The following SMURF2 variants were observed in gnomAD, a reference collection of about 807,000 sequenced individuals.
SMURF2 encodes the protein E3 ubiquitin-protein ligase SMURF2.
SMURF2 carries 48 observed loss-of-function variants against 109.6 expected under a neutral mutation model. The observed-to-expected ratio is 0.44, with a 90% CI of 0.35 to 0.56. The LOEUF (loss-of-function observed/expected upper bound fraction) is 0.56. Among genes scored for constraint, SMURF2 ranks in the 20% least tolerant of loss-of-function variants. SMURF2 has a pLI of 0.01. For missense variants in SMURF2, 575 were observed against 909.0 expected (o/e 0.63, Z 4.72); for synonymous variants, 288 against 317.1 (o/e 0.91, Z 0.97).
At chr17:64,643,550 T>A (rs1261932055) in intron 1 of SMURF2, among the ~76,000 whole-genome samples, 1 of 152,028 alleles carries the variant, frequency 6.6e-6, no homozygotes, top group African/African-American at 2.4e-5. Flanking sequence ...ACAACCAGGG[T>A]CTCTCTGGAC....
chr17:64,637,803 A>G (rs1970436911), intron 1 of SMURF2, among the ~76,000 whole-genome samples: 1 of 151,608 alleles, frequency 6.6e-6, no homozygotes, highest in African/African-American at 2.4e-5. Flanking sequence ...ACTTCAAATG[A>G]TCCACCCACC....
chr17:64,618,250 T>C (rs79723516), intron 1 of SMURF2, among the ~76,000 whole-genome samples: 2,359 of 152,204 alleles, frequency 0.015, 31 homozygotes, highest in Non-Finnish European at 0.025. Flanking sequence ...CTGGGCAATA[T>C]AGTGAGACTC....
chr17:64,592,698 A>C (rs1422213522), intron 4 of SMURF2, among the ~76,000 whole-genome samples: 9 of 152,198 alleles, frequency 5.9e-5, no homozygotes, highest in Non-Finnish European at 8.8e-5. Context: ...CAAACACACA[A>C]AAAAAACCTG....
chr17:64,662,150 C>CCCCGCCG lies in SMURF2; in HGVS notation c.-277_-271dup. 9.7e-7 allele frequency: 1 copy of CCCCGCCG among 1,035,074 alleles called. No homozygotes were observed. The highest frequency in any genetic ancestry group is 1.2e-6 in the Non-Finnish European group (1 of 863,204). The allele number at this position is 1,035,074 out of a possible 1,614,324, so 64.1% of individuals were successfully genotyped here. A position where few individuals can be genotyped will look rare whatever the true frequency, so the allele number is the denominator to read the frequency against. The stretch of plus-strand genomic sequence containing the variant: ...CCGCCCGCGCCGCCTCCGCCCGCGC[C>CCCCGCCG]CCCGCCGCCTCCTCGCGGCCGCCGA... On this transcript the variant is annotated 5_prime_UTR_variant, in exon 1 of 19. Coordinates refer to ENST00000262435, the MANE Select transcript of SMURF2 (RefSeq NM_022739.4).
intron 10 of SMURF2, among the ~76,000 whole-genome samples, chr17:64,569,631 G>A (rs1351511435): frequency 3.3e-5 from 5 of 152,128 alleles, no homozygotes; most frequent in African/African-American, 7.2e-5. Flanking sequence ...TCAAGTTAAA[G>A]TTACAATGGG....
At chr17:64,561,630 A>C in intron 11 of SMURF2, 27 bp from the exon 12 acceptor site, 1 of 1,516,848 alleles carries the variant, frequency 6.6e-7, no homozygotes, top group Non-Finnish European at 9.1e-7. Flanking sequence ...TTAATACCCT[A>C]TTACTATTAG....
chr17:64,659,963 G>T (rs1377393866), intron 1 of SMURF2, among the ~76,000 whole-genome samples: 1 of 152,048 alleles, frequency 6.6e-6, no homozygotes, highest in Non-Finnish European at 1.5e-5. Context: ...AGGACACAGG[G>T]TATTTAAAAT....
intron 2 of SMURF2, among the ~76,000 whole-genome samples, 153 bp from the exon 3 acceptor site, chr17:64,598,643 G>C (rs1555688300): frequency 4.0e-5 from 6 of 151,880 alleles, no homozygotes; most frequent in Admixed American, 3.9e-4. Context: ...TAAAAAAAAA[G>C]ACTAAAGTTA....
chr17:64,572,030 G>A, intron 9 of SMURF2, 74 bp from the exon 10 acceptor site: 1 of 1,265,896 alleles, frequency 7.9e-7, no homozygotes, highest in Non-Finnish European at 1.1e-6. Flanking sequence ...AAATGACACA[G>A]AACAATTCCA....
intron 10 of SMURF2, among the ~76,000 whole-genome samples, chr17:64,564,710 G>C (rs1969276584): frequency 6.6e-6 from 1 of 152,156 alleles, no homozygotes. Flanking sequence ...GAAACCACTG[G>C]GAAGTTAGGA....
intron 9 of SMURF2, among the ~76,000 whole-genome samples, chr17:64,576,479 C>G (rs1969492650): frequency 6.6e-6 from 1 of 151,768 alleles, no homozygotes. Context: ...GCCTGGACAA[C>G]ATGGCAAAAT....
At chr17:64,643,577 TCCCTTTGCCCTTGCTGGG>T (rs1970518716) in intron 1 of SMURF2, among the ~76,000 whole-genome samples, 1 of 152,136 alleles carries the variant, frequency 6.6e-6, no homozygotes, top group African/African-American at 2.4e-5. Flanking sequence ...AACTACTCTC[TCCCTTTGCCCTTGCTGGG>T]CCAAATATGG....
At chr17:64,661,215 C>CCGT (rs1186001732) in intron 1 of SMURF2, among the ~76,000 whole-genome samples, 3 of 152,108 alleles carry the variant, frequency 2.0e-5, no homozygotes, top group African/African-American at 7.2e-5. Flanking sequence ...TGAGCCCAAG[C>CCGT]CGTCGGATCA....
In SMURF2 at chr17:64,547,059, T is replaced by C. The variant is rs1473062904; in HGVS notation, c.2071+541A>G. On this transcript the variant is annotated intron_variant, in intron 17 of 18. Coordinates refer to ENST00000262435, the MANE Select transcript of SMURF2 (RefSeq NM_022739.4). This position sits in a 1 kb window ranked among gnomAD's most constrained non-coding sequence, Gnocchi z 4.2. ...GAAGCACCACAATCATTAGCAATAT[T>C]ACCAGCTCCTCCCAAAATTAACCAG... Among the ~76,000 whole-genome samples, 1 of 152,224 alleles carries C rather than the reference T, an allele frequency of 6.6e-6. No homozygotes were observed. The highest frequency in any genetic ancestry group is 6.5e-5 in the Admixed American group (1 of 15,290).
intron 1 of SMURF2, among the ~76,000 whole-genome samples, chr17:64,656,303 A>G (rs548253542): frequency 1.3e-5 from 2 of 152,356 alleles, no homozygotes; most frequent in East Asian, 3.9e-4. Flanking sequence ...ATATGACAAC[A>G]GGTTAATATA....
chr17:64,612,422 C>T (rs1342368896), intron 1 of SMURF2, among the ~76,000 whole-genome samples: 2 of 151,762 alleles, frequency 1.3e-5, no homozygotes, highest in Non-Finnish European at 2.9e-5. Context: ...AATTCCAGCA[C>T]TTTGGGAGGC....
intron 1 of SMURF2, among the ~76,000 whole-genome samples, chr17:64,634,217 G>A (rs1413573963): frequency 6.6e-6 from 1 of 152,148 alleles, no homozygotes; most frequent in Non-Finnish European, 1.5e-5. Flanking sequence ...GTAATACAAG[G>A]GGGCTGGGAG....
At chr17:64,603,976 T>C (rs1224428770) in intron 2 of SMURF2, among the ~76,000 whole-genome samples, 1 of 152,194 alleles carries the variant, frequency 6.6e-6, no homozygotes, top group Non-Finnish European at 1.5e-5. Context: ...TTTAACTGAA[T>C]CGCAAGCAAA....
Position 64,662,300 on chromosome 17 carries a change from T to G in SMURF2, c.-420A>C, listed in dbSNP as rs1970796041. 1 of 975,174 alleles carries G rather than the reference T, an allele frequency of 1.0e-6. No homozygotes were observed. Among genetic ancestry groups the G allele is most frequent in the South Asian group, 4.7e-5 (1 of 21,132 alleles). The allele number at this position is 975,174 out of a possible 1,614,324, so 60.4% of individuals were successfully genotyped here. On this transcript the variant is annotated 5_prime_UTR_variant, in exon 1 of 19. Coordinates refer to ENST00000262435, the MANE Select transcript of SMURF2 (RefSeq NM_022739.4). ...CGGCCGCTTCCTCCTCCACCCGCCC[T>G]CTTGTCTGAGGGACCCGGGACCTGG...
Sources: allele counts gnomAD v4.1 joint callset (sites outside exome capture counted in the v4.1 genomes callset), GRCh38; gene constraint gnomAD v4.1.1; non-coding constraint Gnocchi (gnomAD v3.1); transcripts MANE v1.5; gene names NCBI Gene and HGNC (gene_info 2026-07-23, HGNC 2026-07-21).